The following ZZZ3 variants were observed in gnomAD, a reference collection of about 807,000 sequenced individuals.
ZZZ3 encodes the protein zinc finger ZZ-type containing 3.
Under a neutral mutation model 95.2 loss-of-function variants are expected in ZZZ3, and 22 were observed. The ratio of observed to expected loss-of-function variants is 0.23; its 90% CI spans 0.17 to 0.33. ZZZ3 has a LOEUF of 0.33. ZZZ3 is among the 10% of genes least tolerant of loss of function. The probability of loss-of-function intolerance (pLI) is 1.00; values close to 1 mark genes in which losing one functional copy is unlikely to be tolerated. For synonymous variants in ZZZ3, 335 were observed against 358.9 expected (o/e 0.93, Z 0.75); for missense variants, 885 against 1,066.5 (o/e 0.83, Z 2.37).
chr1:77,600,876 T>C (rs903527379), intron 5 of ZZZ3, among the ~76,000 whole-genome samples: 1 of 152,180 alleles, frequency 6.6e-6, no homozygotes. Flanking sequence ...AATTACACAG[T>C]GCTCTATAAA....
At chr1:77,645,759 T>C (rs773315512) in intron 1 of ZZZ3, 1 of 152,022 alleles carries the variant, frequency 6.6e-6, no homozygotes, top group Non-Finnish European at 1.5e-5. Context: ...TTACCTGACG[T>C]CAGGAGTTCA....
intron 1 of ZZZ3, among the ~76,000 whole-genome samples, chr1:77,643,963 T>C (rs148944081): frequency 2.8e-4 from 42 of 152,278 alleles, no homozygotes; most frequent in African/African-American, 9.6e-4. Flanking sequence ...GTATCACATA[T>C]AGGCACTATA....
chr1:77,599,362 T>A (rs1449281709), intron 5 of ZZZ3, among the ~76,000 whole-genome samples: 1 of 152,048 alleles, frequency 6.6e-6, no homozygotes, highest in Non-Finnish European at 1.5e-5. Flanking sequence ...TGAATATACA[T>A]TAGTTATGAT....
intron 5 of ZZZ3, among the ~76,000 whole-genome samples, chr1:77,591,950 G>C (rs998376922): frequency 6.6e-6 from 1 of 152,088 alleles, no homozygotes; most frequent in African/African-American, 2.4e-5. Flanking sequence ...AACCATGCAA[G>C]CTTGAGCTCA....
intron 1 of ZZZ3, among the ~76,000 whole-genome samples, chr1:77,645,893 C>T (rs1172227104): frequency 2.0e-5 from 3 of 151,438 alleles, no homozygotes; most frequent in South Asian, 2.1e-4. Context: ...ATTGCTTGAA[C>T]CTGGGAGGTG....
At chr1:77,653,531 A>G (rs1390833565) in intron 1 of ZZZ3, among the ~76,000 whole-genome samples, 1 of 152,108 alleles carries the variant, frequency 6.6e-6, no homozygotes, top group Non-Finnish European at 1.5e-5. Context: ...AGGTGGGTGG[A>G]TCACCTGAGG....
chr1:77,646,276 G>A (rs995354672), intron 1 of ZZZ3, among the ~76,000 whole-genome samples: 3 of 151,844 alleles, frequency 2.0e-5, no homozygotes, highest in Admixed American at 2.0e-4. Flanking sequence ...CTGGAGCGTA[G>A]TGGCTCAATC....
chr1:77,584,691 T>C (rs766613692), intron 5 of ZZZ3, 36 bp from the exon 6 acceptor site: 9 of 1,515,630 alleles, frequency 5.9e-6, no homozygotes, highest in Middle Eastern at 1.8e-4. Flanking sequence ...ACAAAAATTT[T>C]CTAGTAACAA....
chr1:77,672,705 T>G (rs1295788702), intron 1 of ZZZ3, among the ~76,000 whole-genome samples: 1 of 152,246 alleles, frequency 6.6e-6, no homozygotes, highest in African/African-American at 2.4e-5. Flanking sequence ...TGAAATTCTC[T>G]TAACTACAGA....
intron 9 of ZZZ3, 77 bp from the exon 10 acceptor site, chr1:77,579,705 A>G: frequency 2.3e-6 from 2 of 861,006 alleles, no homozygotes; most frequent in Non-Finnish European, 1.8e-6. Context: ...AAATACATTC[A>G]CATTTCATTT....
intron 1 of ZZZ3, among the ~76,000 whole-genome samples, chr1:77,671,739 AAG>A (rs1671805597): frequency 6.6e-6 from 1 of 152,158 alleles, no homozygotes; most frequent in South Asian, 2.1e-4. Context: ...TTACTTCTAT[AAG>A]AGTTTTTAAA....
chr1:77,625,247 T>C (rs971919576), intron 5 of ZZZ3, among the ~76,000 whole-genome samples: 11 of 152,184 alleles, frequency 7.2e-5, no homozygotes, highest in Admixed American at 7.2e-4. Context: ...TGTTTCTCTG[T>C]TCAGAATTTA....
At chr1:77,600,026 T>C (rs938456942) in intron 5 of ZZZ3, among the ~76,000 whole-genome samples, 3 of 152,118 alleles carry the variant, frequency 2.0e-5, no homozygotes, top group South Asian at 4.1e-4. Context: ...ATGGCCTCTA[T>C]TACAATGGTT....
chr1:77,655,949 A>G (rs1251789501), intron 1 of ZZZ3, among the ~76,000 whole-genome samples: 1 of 152,208 alleles, frequency 6.6e-6, no homozygotes, highest in African/African-American at 2.4e-5. Context: ...TTCAAGATAC[A>G]TTAGTTTAGC....
rs777954694 is a variant in ZZZ3 at position 77,632,599 on chromosome 1, G to C, written c.756C>G (p.Phe252Leu). The part of the protein sequence containing the change: ...NGDTDTQTSM[F>L]LDSRKEDSYI... The stretch of plus-strand genomic sequence containing the variant: ...AACTGTCCTCCTTCCTACTATCAAG[G>C]AACATTGAAGTTTGGGTATCCGTAT... The change falls in exon 5 of 15, where the codon TTC (phenylalanine) becomes TTG (leucine). Residue 252 changes from phenylalanine (F) to leucine (L), a missense_variant. Coordinates refer to ENST00000370801, the MANE Select transcript of ZZZ3 (RefSeq NM_015534.6). 25 of 1,613,960 alleles carry C rather than the reference G, an allele frequency of 1.5e-5. No homozygotes were observed. The highest frequency in any genetic ancestry group is 1.6e-4 in the Middle Eastern group (1 of 6,084).
intron 5 of ZZZ3, chr1:77,585,093 C>T (rs1662957692): frequency 6.6e-6 from 1 of 152,372 alleles, no homozygotes; most frequent in Non-Finnish European, 1.5e-5. Flanking sequence ...ACACATGACA[C>T]TGTCACATAA....
At chr1:77,578,067 A>T (rs1200011408) in intron 11 of ZZZ3, among the ~76,000 whole-genome samples, 1 of 152,134 alleles carries the variant, frequency 6.6e-6, no homozygotes, top group East Asian at 1.9e-4. Flanking sequence ...AAGCAACTAG[A>T]TAATTCACTC....
intron 5 of ZZZ3, among the ~76,000 whole-genome samples, chr1:77,617,743 A>G (rs1275551926): frequency 1.3e-5 from 2 of 151,454 alleles, no homozygotes; most frequent in African/African-American, 4.9e-5. Flanking sequence ...ATTGGAGACC[A>G]GCCAAGCCAA....
intron 5 of ZZZ3, among the ~76,000 whole-genome samples, chr1:77,629,824 A>G (rs1442770549): frequency 6.6e-6 from 1 of 152,218 alleles, no homozygotes; most frequent in East Asian, 1.9e-4. Flanking sequence ...AAATAAACAT[A>G]TAAAAGCACA....
Sources: gnomAD v4.1 joint callset for allele counts (sites outside exome capture counted in the v4.1 genomes callset) on GRCh38, gnomAD v4.1.1 for gene constraint, MANE v1.5 for transcripts, NCBI Gene and HGNC (gene_info 2026-07-23, HGNC 2026-07-21) for gene names.